Variants in DLG2 observed in about 807,000 individuals in gnomAD.
The protein encoded by DLG2 is discs large MAGUK scaffold protein 2, also known as disks large homolog 2.
DLG2 carries 45 observed loss-of-function variants against 132.5 expected under a neutral mutation model. That is an observed-to-expected ratio of 0.34 (90% CI 0.27 to 0.44). The LOEUF is 0.44. DLG2 is among the 20% of genes least tolerant of loss of function. The pLI is 1.00. For missense variants in DLG2, 1,045 were observed against 1,196.9 expected (o/e 0.87, Z 1.87); for synonymous variants, 424 against 419.6 (o/e 1.01, Z -0.13).
chr11:84,381,884 G>A, intron 7 of DLG2, among the ~76,000 whole-genome samples: 1 of 152,162 alleles, frequency 6.6e-6, no homozygotes, highest in Non-Finnish European at 1.5e-5. Context: ...CCTGTAAGGG[G>A]GAAGCATCTG....
chr11:84,840,599 A>C (rs564379301), intron 6 of DLG2, among the ~76,000 whole-genome samples: 55 of 152,172 alleles, frequency 3.6e-4, no homozygotes, highest in African/African-American at 1.2e-3. Context: ...CCCAAATGTC[A>C]ATCAATAATA....
At chr11:83,943,967 T>C (rs2083245994) in intron 14 of DLG2, among the ~76,000 whole-genome samples, 1 of 152,176 alleles carries the variant, frequency 6.6e-6, no homozygotes, top group Non-Finnish European at 1.5e-5. Flanking sequence ...AATGAGATAA[T>C]ATACGCAAAG....
chr11:85,142,548 C>A (rs190344272), intron 5 of DLG2, among the ~76,000 whole-genome samples: 1 of 151,472 alleles, frequency 6.6e-6, no homozygotes, highest in African/African-American at 2.4e-5. Flanking sequence ...ATTTGGATGC[C>A]CTTTATTATT....
At chr11:84,844,113 GTGTGTGTGTGTGTGTGTGTGTGTA>G in intron 6 of DLG2, among the ~76,000 whole-genome samples, 1 of 68,778 alleles carries the variant, frequency 1.5e-5, no homozygotes, top group African/African-American at 6.8e-5. Context: ...GTTTGTGTGT[GTGTGTGTGTGTGTGTGTGTGTGTA>G]TATATATATA....
chr11:84,077,406 G>A (rs2096844001), intron 10 of DLG2, among the ~76,000 whole-genome samples: 1 of 152,114 alleles, frequency 6.6e-6, no homozygotes, highest in Non-Finnish European at 1.5e-5. Flanking sequence ...AAGCCCAGTG[G>A]CTCATTCCTT....
At chr11:85,090,518 T>G (rs905294306) in intron 6 of DLG2, among the ~76,000 whole-genome samples, 1 of 152,178 alleles carries the variant, frequency 6.6e-6, no homozygotes, top group Non-Finnish European at 1.5e-5. Context: ...CATCTGTACT[T>G]AGATACATGA....
At chr11:85,344,291 C>T (rs1475395878) in intron 3 of DLG2, among the ~76,000 whole-genome samples, 1 of 152,150 alleles carries the variant, frequency 6.6e-6, no homozygotes, top group Non-Finnish European at 1.5e-5. Flanking sequence ...AGCTCCTGAG[C>T]TTCACCTTTT....
At chr11:85,129,898 C>T (rs1216589335) in intron 5 of DLG2, among the ~76,000 whole-genome samples, 1 of 152,084 alleles carries the variant, frequency 6.6e-6, no homozygotes, top group Non-Finnish European at 1.5e-5. Flanking sequence ...GAATTAATGT[C>T]CTTTGCAGGG....
intron 3 of DLG2, among the ~76,000 whole-genome samples, chr11:85,549,754 AG>A (rs2153220000): frequency 6.6e-6 from 1 of 152,350 alleles, no homozygotes; most frequent in African/African-American, 2.4e-5. Context: ...TGGTGATGAA[AG>A]TGACCTTTGG....
Position 84,741,227 on chromosome 11 carries a change from T to C in DLG2, c.358-206496A>G, listed in dbSNP as rs1022448740. On this transcript the variant is annotated intron_variant, in intron 6 of 27. Transcript: ENST00000376104. ...GACTACAGGCGCCCGCCACTGCGCCTGGCTAATTTTTTGTATTTTTAGTAG... is the reference window on the plus strand; with the variant it reads ...GACTACAGGCGCCCGCCACTGCGCCCGGCTAATTTTTTGTATTTTTAGTAG... Among the ~76,000 whole-genome samples the C allele has an allele frequency of 7.9e-5, 12 of 151,884 alleles. 1 individual carries two copies. Among genetic ancestry groups the C allele is most frequent in the Admixed American group, 4.6e-4 (7 of 15,266 alleles).
chr11:83,604,324 G>T lies in DLG2; in HGVS notation c.1940+28887C>A, dbSNP rs191613392. On this transcript the variant is annotated intron_variant, in intron 19 of 27. Coordinates refer to ENST00000376104, the MANE Select transcript of DLG2 (RefSeq NM_001142699.3). The stretch of plus-strand genomic sequence containing the variant: ...TATCATCCAGCCAGCACAGGCAAAT[G>T]TTACCAAGTTAAGATTGAATTTCAA... 1.3e-3 allele frequency among the ~76,000 whole-genome samples: 196 copies of T among 152,246 alleles called. 5 individuals carry two copies. The highest frequency in any genetic ancestry group is 9.5e-3 in the Admixed American group (145 of 15,292).
At chr11:85,512,327 C>T (rs527342529) in intron 3 of DLG2, among the ~76,000 whole-genome samples, 4 of 152,148 alleles carry the variant, frequency 2.6e-5, no homozygotes, top group South Asian at 2.1e-4. Flanking sequence ...TGGATAAGTA[C>T]TTTAGTTGAA....
intron 6 of DLG2, among the ~76,000 whole-genome samples, chr11:84,728,856 A>G (rs1317094363): frequency 1.3e-5 from 2 of 152,140 alleles, no homozygotes; most frequent in Non-Finnish European, 2.9e-5. Context: ...CATTTCTTCT[A>G]GATTTTCTAG....
intron 6 of DLG2, among the ~76,000 whole-genome samples, chr11:85,091,269 A>G (rs1347446158): frequency 6.6e-6 from 1 of 152,230 alleles, no homozygotes; most frequent in African/African-American, 2.4e-5. Flanking sequence ...AAAAGCCTTT[A>G]CTTAAGGTAT....
intron 11 of DLG2, among the ~76,000 whole-genome samples, chr11:84,023,092 G>T (rs2095440586): frequency 6.6e-6 from 1 of 152,054 alleles, no homozygotes; most frequent in Admixed American, 6.6e-5. Context: ...CATGGTCTTT[G>T]GGGAGTGGGG....
At chr11:84,290,233 T>C (rs1028963217) in intron 7 of DLG2, among the ~76,000 whole-genome samples, 1 of 152,174 alleles carries the variant, frequency 6.6e-6, no homozygotes, top group Admixed American at 6.6e-5. Flanking sequence ...GCAAAAGTTT[T>C]TGTAAAATAA....
chr11:83,477,347 T>G (rs1341964523), intron 22 of DLG2, among the ~76,000 whole-genome samples: 1 of 152,132 alleles, frequency 6.6e-6, no homozygotes, highest in Non-Finnish European at 1.5e-5. Context: ...TGAGGTGGTG[T>G]TTTGCACAAT....
chr11:83,531,615 T>C (rs1406725458), intron 21 of DLG2, among the ~76,000 whole-genome samples: 2 of 152,022 alleles, frequency 1.3e-5, no homozygotes, highest in African/African-American at 4.8e-5. Flanking sequence ...AGCATAGAGT[T>C]ACTATATGAC....
At chr11:84,117,319 T>G (rs2093681669) in intron 9 of DLG2, among the ~76,000 whole-genome samples, 1 of 152,226 alleles carries the variant, frequency 6.6e-6, no homozygotes, top group Admixed American at 6.5e-5. Context: ...TCCTAGTCAT[T>G]CCGAAAATTC....
Sources: allele counts gnomAD v4.1 joint callset (sites outside exome capture counted in the v4.1 genomes callset), GRCh38; gene constraint gnomAD v4.1.1; transcripts MANE v1.5; gene names NCBI Gene and HGNC (gene_info 2026-07-23, HGNC 2026-07-21).